Variants in HIVEP3 observed in about 807,000 individuals in gnomAD.
The protein encoded by HIVEP3 is HIVEP zinc finger 3.
HIVEP3 carries 49 observed loss-of-function variants against 152.8 expected under a neutral mutation model. The ratio of observed to expected loss-of-function variants is 0.32; its 90% CI spans 0.26 to 0.41. The LOEUF (loss-of-function observed/expected upper bound fraction) is 0.41, where lower values mean the gene tolerates loss of function less well. HIVEP3 is among the 10% of genes least tolerant of loss of function. The probability of loss-of-function intolerance (pLI) is 1.00; values close to 1 mark genes in which losing one functional copy is unlikely to be tolerated. For synonymous variants in HIVEP3, 1,269 were observed against 1,289.0 expected (o/e 0.98, Z 0.33); for missense variants, 2,790 against 3,103.3 (o/e 0.90, Z 2.40).
intron 1 of HIVEP3, among the ~76,000 whole-genome samples, chr1:41,701,350 C>A (rs1377088437): frequency 2.0e-5 from 3 of 152,260 alleles, no homozygotes; most frequent in Non-Finnish European, 2.9e-5. Flanking sequence ...GTAATTCACT[C>A]ATTCTTGCTT....
At chr1:41,921,246 A>G (rs1644940308), upstream of HIVEP3, among the ~76,000 whole-genome samples, 1 of 152,228 alleles carries the variant, frequency 6.6e-6, no homozygotes, top group Admixed American at 6.5e-5. Context: ...TGATAAACTC[A>G]TGATTCTGCA....
chr1:41,945,006 G>A (rs960104103), intron 1 of HIVEP3, among the ~76,000 whole-genome samples: 3 of 152,196 alleles, frequency 2.0e-5, no homozygotes, highest in African/African-American at 7.2e-5. Context: ...CCTCCTGAGA[G>A]AAGTATAAAT....
intron 1 of HIVEP3, among the ~76,000 whole-genome samples, chr1:42,021,591 A>G (rs1051859447): frequency 6.6e-6 from 1 of 152,180 alleles, no homozygotes; most frequent in Non-Finnish European, 1.5e-5. Context: ...TCTCAGAAGA[A>G]TAACAAAAAC....
chr1:41,632,553 C>T (rs145940448), intron 2 of HIVEP3, among the ~76,000 whole-genome samples: 5,542 of 152,104 alleles, frequency 0.036, 330 homozygotes, highest in African/African-American at 0.12. Flanking sequence ...TTCAAGAGAT[C>T]GAGACCATCC....
At chr1:42,000,745 T>C (rs1645422563) in intron 1 of HIVEP3, among the ~76,000 whole-genome samples, 1 of 152,112 alleles carries the variant, frequency 6.6e-6, no homozygotes, top group Non-Finnish European at 1.5e-5. Context: ...CTGACAAAGA[T>C]TTTTCTCCCA....
At chr1:41,783,714 G>A (rs998425295) in intron 1 of HIVEP3, among the ~76,000 whole-genome samples, 3 of 152,274 alleles carry the variant, frequency 2.0e-5, no homozygotes, top group South Asian at 2.1e-4. Flanking sequence ...GATGACATTC[G>A]TGGGTATTAC....
intron 1 of HIVEP3, among the ~76,000 whole-genome samples, chr1:41,939,846 T>C (rs1231990166): frequency 1.3e-5 from 2 of 152,178 alleles, no homozygotes; most frequent in African/African-American, 2.4e-5. Context: ...AAGCTAAATA[T>C]ATGTCTTCCC....
Position 41,601,155 on chromosome 1 carries a change from A to G in HIVEP3, c.-521-15837T>C, listed in dbSNP as rs193215393. On this transcript the variant is annotated intron_variant, in intron 3 of 8. Coordinates refer to ENST00000372583, the MANE Select transcript of HIVEP3 (RefSeq NM_024503.5). The stretch of plus-strand genomic sequence containing the variant: ...AGTACCATACTGTTTTGATTAGTGT[A>G]ATTTTTTATGCTTTGAAATTAGGAA... 3.9e-3 allele frequency among the ~76,000 whole-genome samples: 587 copies of G among 152,220 alleles called. 3 individuals carry two copies. The highest frequency in any genetic ancestry group is 7.1e-3 in the Non-Finnish European group (483 of 67,974).
chr1:41,955,316 T>G (rs1645134588), intron 1 of HIVEP3, among the ~76,000 whole-genome samples: 1 of 152,124 alleles, frequency 6.6e-6, no homozygotes, highest in African/African-American at 2.4e-5. Flanking sequence ...TTAAGAAGTG[T>G]CTCTGTGGGT....
At chr1:41,754,888 C>T (rs1037084702) in intron 1 of HIVEP3, among the ~76,000 whole-genome samples, 6 of 152,138 alleles carry the variant, frequency 3.9e-5, no homozygotes, top group African/African-American at 9.7e-5. Flanking sequence ...TGGAAACAAG[C>T]GCCCCTACAC....
rs751118245 is a variant in HIVEP3, at chr1:41,580,187, T to C, written c.4611A>G (p.Pro1537=). ...GSEALKEYPQ[P]SGKPHRRGLT... is the part of the protein sequence containing the mutation. ...ACCCTCTTCGGTGAGGTTTGCCAGA[T>C]GGCTGGGGATATTCCTTCAAAGCTT... Residue 1537 remains proline (P), a synonymous_variant, in exon 4 of 9, where the codon CCA becomes CCG. Coordinates refer to ENST00000372583, the MANE Select transcript of HIVEP3 (RefSeq NM_024503.5). The C allele has an allele frequency of 1.2e-6, 2 of 1,612,266 alleles. No homozygotes were observed. The highest frequency in any genetic ancestry group is 1.7e-5 in the Admixed American group (1 of 59,852).
intron 1 of HIVEP3, among the ~76,000 whole-genome samples, chr1:41,779,667 T>C (rs531502858): frequency 3.4e-4 from 52 of 152,366 alleles, no homozygotes; most frequent in African/African-American, 1.2e-3. Flanking sequence ...GGCTAATTTT[T>C]GTATTTTTTA....
At chr1:41,605,307 T>G (rs1037865257) in intron 3 of HIVEP3, among the ~76,000 whole-genome samples, 4 of 151,646 alleles carry the variant, frequency 2.6e-5, no homozygotes, top group Non-Finnish European at 1.5e-5. Context: ...TGAAGCAGTT[T>G]TCTGGGTGTA....
chr1:42,000,832 A>G (rs965546004), intron 1 of HIVEP3, among the ~76,000 whole-genome samples: 1 of 152,344 alleles, frequency 6.6e-6, no homozygotes, highest in East Asian at 1.9e-4. Flanking sequence ...CTCCTCCCCT[A>G]GTAATAAGAG....
intron 1 of HIVEP3, among the ~76,000 whole-genome samples, chr1:41,806,770 C>G (rs1382326770): frequency 6.6e-6 from 1 of 152,192 alleles, no homozygotes; most frequent in Non-Finnish European, 1.5e-5. Flanking sequence ...ACCTGGGACT[C>G]CAGAGGGAAG....
intron 1 of HIVEP3, among the ~76,000 whole-genome samples, chr1:41,714,904 G>A (rs1215424707): frequency 2.0e-5 from 3 of 152,098 alleles, no homozygotes; most frequent in Admixed American, 2.0e-4. Flanking sequence ...GGAGTTTTCT[G>A]GGGGGAGGTG....
intron 1 of HIVEP3, among the ~76,000 whole-genome samples, chr1:41,999,350 A>G (rs531976837): frequency 6.6e-6 from 1 of 152,338 alleles, no homozygotes; most frequent in South Asian, 2.1e-4. Context: ...GGCAATTAGA[A>G]TTGGAGAAAA....
At chr1:41,817,270 G>C (rs1329604560) in intron 1 of HIVEP3, among the ~76,000 whole-genome samples, 2 of 152,216 alleles carry the variant, frequency 1.3e-5, no homozygotes, top group Non-Finnish European at 2.9e-5. Flanking sequence ...AAGTAGCTAG[G>C]TCAGGACAAA....
At chr1:41,526,584 CA>C (rs398102670) in intron 5 of HIVEP3, among the ~76,000 whole-genome samples, 10 of 34,618 alleles carry the variant, frequency 2.9e-4, no homozygotes, top group Admixed American at 6.4e-4. Context: ...CATACACCCC[CA>C]CACTCACACC....
Sources: gnomAD v4.1 joint callset for allele counts (sites outside exome capture counted in the v4.1 genomes callset) on GRCh38, gnomAD v4.1.1 for gene constraint, MANE v1.5 for transcripts, NCBI Gene and HGNC (gene_info 2026-07-23, HGNC 2026-07-21) for gene names.